Variants in ITGA9 observed in about 807,000 individuals in gnomAD.
The protein encoded by ITGA9 is integrin subunit alpha 9.
ITGA9 carries 56 observed loss-of-function variants against 127.8 expected under a neutral mutation model. The ratio of observed to expected loss-of-function variants is 0.44; its 90% CI spans 0.35 to 0.55. ITGA9 has a LOEUF of 0.55. ITGA9 is among the 20% of genes least tolerant of loss of function. The pLI, the probability that ITGA9 is intolerant of heterozygous loss-of-function variation, is 0.00. For synonymous variants in ITGA9, 508 were observed against 514.5 expected (o/e 0.99, Z 0.17); for missense variants, 1,196 against 1,347.1 (o/e 0.89, Z 1.76).
intron 15 of ITGA9, among the ~76,000 whole-genome samples, chr3:37,550,779 A>G (rs72855875): frequency 0.18 from 27,533 of 152,180 alleles, 3,478 homozygotes; most frequent in African/African-American, 0.36. Context: ...ACCCTGGCTC[A>G]TAAACTTTCT....
intron 16 of ITGA9, among the ~76,000 whole-genome samples, chr3:37,652,471 C>T (rs947716359): frequency 3.9e-5 from 6 of 152,130 alleles, no homozygotes; most frequent in African/African-American, 1.4e-4. Flanking sequence ...TGATATTTTC[C>T]CTGATAATCA....
intron 15 of ITGA9, among the ~76,000 whole-genome samples, chr3:37,589,376 G>C (rs1388967251): frequency 6.6e-6 from 1 of 152,196 alleles, no homozygotes; most frequent in African/African-American, 2.4e-5. Flanking sequence ...CAGTGAACAA[G>C]AGAAGCAAAA....
intron 18 of ITGA9, among the ~76,000 whole-genome samples, chr3:37,727,267 G>A (rs528585293): frequency 1.2e-4 from 19 of 152,302 alleles, no homozygotes; most frequent in African/African-American, 4.6e-4. Context: ...ATAAGTCAGG[G>A]ACTATCTGTA....
intron 24 of ITGA9, 90 bp downstream of exon 24, chr3:37,777,607 C>G: frequency 6.8e-7 from 1 of 1,467,828 alleles, no homozygotes; most frequent in South Asian, 1.2e-5. Context: ...TTTCCTAAAT[C>G]TGGTTTTAAT....
rs546120516 is a variant in ITGA9 at position 37,595,788 on chromosome 3, A to G, written c.1690-33399A>G. ...TTTTTATGAACATTCTCTTTGCCCC[A>G]TGTGTGGCAGCAGAAGGCAATCCAG... On this transcript the variant is annotated intron_variant, in intron 15 of 27. Transcript: ENST00000264741. Among the ~76,000 whole-genome samples, 9 of 152,238 alleles carry G rather than the reference A, an allele frequency of 5.9e-5. No individual in the cohort carries two copies. In the South Asian group the frequency reaches 1.7e-3, roughly 28 times the overall value.
intron 15 of ITGA9, among the ~76,000 whole-genome samples, chr3:37,600,143 C>A (rs1470670032): frequency 1.3e-5 from 2 of 152,142 alleles, no homozygotes; most frequent in Admixed American, 6.5e-5. Context: ...TCCTTAACAT[C>A]CTAACATTAT....
intron 1 of ITGA9, among the ~76,000 whole-genome samples, chr3:37,468,531 G>T (rs1698396008): frequency 6.6e-6 from 1 of 152,284 alleles, no homozygotes; most frequent in South Asian, 2.1e-4. Flanking sequence ...GACTTCTGTT[G>T]TATGATGTAG....
intron 4 of ITGA9, among the ~76,000 whole-genome samples, chr3:37,484,721 T>C (rs925573699): frequency 6.6e-6 from 1 of 152,172 alleles, no homozygotes; most frequent in African/African-American, 2.4e-5. Context: ...GGACACAGAC[T>C]GCCGGAGTTC....
At chr3:37,573,235 T>A (rs772838907) in intron 15 of ITGA9, 3 of 152,152 alleles carry the variant, frequency 2.0e-5, no homozygotes, top group Non-Finnish European at 2.9e-5. Context: ...TTTAACTTCA[T>A]CTTCTGCTTC....
At chr3:37,627,423 T>C (rs1417822666) in intron 15 of ITGA9, among the ~76,000 whole-genome samples, 1 of 152,112 alleles carries the variant, frequency 6.6e-6, no homozygotes, top group East Asian at 1.9e-4. Flanking sequence ...CTCCAGTGTC[T>C]CTGCATGCAT....
intron 15 of ITGA9, among the ~76,000 whole-genome samples, chr3:37,618,755 C>T (rs1339691411): frequency 1.3e-5 from 2 of 152,178 alleles, no homozygotes; most frequent in East Asian, 1.9e-4. Flanking sequence ...GTAGGACTCT[C>T]CGAGCTAGGC....
intron 4 of ITGA9, among the ~76,000 whole-genome samples, chr3:37,485,471 T>C (rs1013609535): frequency 6.6e-6 from 1 of 152,012 alleles, no homozygotes; most frequent in African/African-American, 2.4e-5. Flanking sequence ...GAGTCGATGC[T>C]GTGATGCCTC....
At chr3:37,637,813 C>T (rs185723411) in intron 16 of ITGA9, among the ~76,000 whole-genome samples, 1 of 152,280 alleles carries the variant, frequency 6.6e-6, no homozygotes, top group East Asian at 1.9e-4. Context: ...GCTAGGATTA[C>T]AGGTGCACGC....
intron 15 of ITGA9, 126 bp downstream of exon 15, chr3:37,542,711 C>A: frequency 2.1e-6 from 2 of 939,248 alleles, no homozygotes; most frequent in Non-Finnish European, 3.4e-6. Flanking sequence ...CAGGGAGGAG[C>A]ATATCCATTT....
At position 37,724,912 on chromosome 3, in the gene ITGA9, A is replaced by T. The variant is rs138745402; in HGVS notation, c.2068-7800A>T. Among the ~76,000 whole-genome samples, 173 of 152,272 alleles carry T rather than the reference A, an allele frequency of 1.1e-3. 1 individual carries two copies. The highest frequency in any genetic ancestry group is 3.8e-3 in the African/African-American group (158 of 41,546). The stretch of plus-strand genomic sequence containing the variant: ...TGAATGTACAGATGGATGATGTATA[A>T]GTCCTTTCAGAGGGAAACTTTGAGT... On this transcript the variant is annotated intron_variant, in intron 18 of 27. Coordinates refer to ENST00000264741, the MANE Select transcript of ITGA9 (RefSeq NM_002207.3).
chr3:37,538,432 C>T (rs1265970637), intron 14 of ITGA9, among the ~76,000 whole-genome samples: 1 of 152,176 alleles, frequency 6.6e-6, no homozygotes, highest in Admixed American at 6.5e-5. Context: ...CATCATTCGA[C>T]ATGGCAGGGA....
intron 15 of ITGA9, among the ~76,000 whole-genome samples, chr3:37,563,026 G>T (rs1699509606): frequency 6.6e-6 from 1 of 151,936 alleles, no homozygotes; most frequent in Non-Finnish European, 1.5e-5. Context: ...GCACCACGCA[G>T]AGTAATTGAC....
intron 27 of ITGA9, chr3:37,818,686 T>C (rs1697472329): frequency 1.6e-6 from 1 of 612,494 alleles, no homozygotes; most frequent in Admixed American, 2.7e-5. Context: ...TTACGTAATA[T>C]CACCCGCAGG....
chr3:37,748,361 T>G, intron 22 of ITGA9: 1 of 610,142 alleles, frequency 1.6e-6, no homozygotes, highest in Non-Finnish European at 3.1e-6. Flanking sequence ...AAGGGCAAGA[T>G]TCTTGCCAAG....
Sources: allele counts gnomAD v4.1 joint callset (sites outside exome capture counted in the v4.1 genomes callset), GRCh38; gene constraint gnomAD v4.1.1; transcripts MANE v1.5; gene names NCBI Gene and HGNC (gene_info 2026-07-23, HGNC 2026-07-21).